The following CSMD3 variants were observed in gnomAD, a reference collection of about 807,000 sequenced individuals.
The protein encoded by CSMD3 is CUB and sushi domain-containing protein 3.
In CSMD3, 177 loss-of-function variants were observed where a neutral mutation model predicts 435.2. That is an observed-to-expected ratio of 0.41 (90% CI 0.36 to 0.46). The LOEUF (loss-of-function observed/expected upper bound fraction) is 0.46, where lower values mean the gene tolerates loss of function less well. Among genes scored for constraint, CSMD3 ranks in the 20% least tolerant of loss-of-function variants. The probability of loss-of-function intolerance (pLI) is 0.34; values close to 1 mark genes in which losing one functional copy is unlikely to be tolerated. For synonymous variants in CSMD3, 1,656 were observed against 1,520.5 expected (o/e 1.09, Z -2.07); for missense variants, 4,265 against 4,504.6 (o/e 0.95, Z 1.52).
intron 22 of CSMD3, among the ~76,000 whole-genome samples, chr8:112,636,520 T>C (rs1248429876): frequency 6.6e-6 from 1 of 151,322 alleles, no homozygotes; most frequent in Non-Finnish European, 1.5e-5. Context: ...TCTCCATATA[T>C]CTATGTGTCT....
chr8:112,645,054 A>T, intron 20 of CSMD3, 55 bp downstream of exon 20: 1 of 898,534 alleles, frequency 1.1e-6, no homozygotes, highest in Non-Finnish European at 1.9e-6. Context: ...AAATAAGAAT[A>T]GACTCAATGA....
chr8:113,346,850 G>C (rs990243779), intron 1 of CSMD3, among the ~76,000 whole-genome samples: 1 of 152,014 alleles, frequency 6.6e-6, no homozygotes, highest in African/African-American at 2.4e-5. Context: ...TTTCTTTATA[G>C]AGAATATACA....
intron 3 of CSMD3, among the ~76,000 whole-genome samples, chr8:113,244,095 T>C (rs2093250395): frequency 6.6e-6 from 1 of 152,176 alleles, no homozygotes; most frequent in South Asian, 2.1e-4. Context: ...ATTTTCTCCA[T>C]TTCTATGGAT....
At chr8:113,091,896 T>C (rs1018254614) in intron 5 of CSMD3, among the ~76,000 whole-genome samples, 1 of 152,014 alleles carries the variant, frequency 6.6e-6, no homozygotes, top group Non-Finnish European at 1.5e-5. Flanking sequence ...TTTTTCTTTT[T>C]TGATGTAGGC....
At chr8:112,790,200 G>A (rs912457454) in intron 13 of CSMD3, among the ~76,000 whole-genome samples, 1 of 151,890 alleles carries the variant, frequency 6.6e-6, no homozygotes, top group African/African-American at 2.4e-5. Context: ...ACTCTTGCCA[G>A]ATATCATTTC....
At chr8:112,594,256 T>C (rs1831467810) in intron 22 of CSMD3, among the ~76,000 whole-genome samples, 1 of 152,056 alleles carries the variant, frequency 6.6e-6, no homozygotes, top group Admixed American at 6.5e-5. Flanking sequence ...AAAGGGGCGA[T>C]GGACGCACCT....
intron 9 of CSMD3, among the ~76,000 whole-genome samples, chr8:112,923,627 G>A (rs1050082497): frequency 5.9e-5 from 9 of 152,078 alleles, no homozygotes; most frequent in South Asian, 2.1e-4. Context: ...AAACAGCTAC[G>A]CCTATTCCAT....
intron 3 of CSMD3, among the ~76,000 whole-genome samples, chr8:113,257,532 A>C (rs1422185319): frequency 6.6e-6 from 1 of 152,204 alleles, no homozygotes; most frequent in Non-Finnish European, 1.5e-5. Context: ...CCTTTCCCTC[A>C]TCCCTTGTCT....
intron 37 of CSMD3, among the ~76,000 whole-genome samples, chr8:112,381,519 G>A (rs867271467): frequency 6.6e-6 from 1 of 152,134 alleles, no homozygotes; most frequent in African/African-American, 2.4e-5. Flanking sequence ...TATGAGTTGA[G>A]GTCATTACAA....
intron 10 of CSMD3, among the ~76,000 whole-genome samples, chr8:112,886,443 T>C (rs1279270862): frequency 4.0e-5 from 6 of 151,618 alleles, no homozygotes; most frequent in African/African-American, 4.8e-5. Context: ...GTTCCTGTTA[T>C]CTTGTGTCGT....
At chr8:112,388,803 T>G (rs956821569) in intron 36 of CSMD3, among the ~76,000 whole-genome samples, 1 of 152,060 alleles carries the variant, frequency 6.6e-6, no homozygotes, top group African/African-American at 2.4e-5. Context: ...CTCTAACACA[T>G]AAAAGTAGCT....
intron 10 of CSMD3, among the ~76,000 whole-genome samples, chr8:112,869,821 A>T (rs1204922004): frequency 6.6e-6 from 1 of 152,282 alleles, no homozygotes; most frequent in South Asian, 2.1e-4. Context: ...TCATAAGTGG[A>T]AGTTGAACAA....
intron 28 of CSMD3, among the ~76,000 whole-genome samples, chr8:112,516,530 G>A (rs1019623382): frequency 1.3e-4 from 20 of 152,080 alleles, no homozygotes; most frequent in Non-Finnish European, 2.8e-4. Flanking sequence ...AAAGACAGCT[G>A]GAAGTATGAT....
chr8:112,406,307 A>C (rs1831852605), intron 35 of CSMD3, among the ~76,000 whole-genome samples: 2 of 152,162 alleles, frequency 1.3e-5, no homozygotes, highest in Admixed American at 1.3e-4. Context: ...TGAGGAAATT[A>C]TTTAGCTAAT....
chr8:112,976,149 C>A lies in CSMD3; in HGVS notation c.1031-1G>T. On this transcript the variant is annotated splice_acceptor_variant, in intron 6 of 70. Transcript: ENST00000297405. LOFTEE classifies it high-confidence loss of function. Reference sequence around the variant, plus strand: ...GTAGTGTGGGTCAATGTAGAAGAACCTGTGGGACACAGTAGCACTAGATGC... The same window carrying A: ...GTAGTGTGGGTCAATGTAGAAGAACATGTGGGACACAGTAGCACTAGATGC... 6.2e-7 allele frequency: 1 copy of A among 1,613,882 alleles called. No individual in the cohort carries two copies. Among genetic ancestry groups the A allele is most frequent in the Non-Finnish European group, 8.5e-7 (1 of 1,179,838 alleles).
At chr8:112,579,430 T>C (rs1187051727) in intron 23 of CSMD3, among the ~76,000 whole-genome samples, 1 of 152,014 alleles carries the variant, frequency 6.6e-6, no homozygotes, top group Non-Finnish European at 1.5e-5. Flanking sequence ...GAGACCACAG[T>C]GTGGCATGGT....
intron 6 of CSMD3, among the ~76,000 whole-genome samples, chr8:112,978,323 CAAAT>C (rs1420954842): frequency 2.0e-5 from 3 of 151,924 alleles, no homozygotes; most frequent in Non-Finnish European, 2.9e-5. Flanking sequence ...TGATCAATCT[CAAAT>C]AATCCCTCGA....
intron 1 of CSMD3, among the ~76,000 whole-genome samples, chr8:113,342,907 A>C (rs1416577303): frequency 6.6e-6 from 1 of 152,156 alleles, no homozygotes; most frequent in Non-Finnish European, 1.5e-5. Context: ...ATTTATGAGA[A>C]ATTCAACTAA....
intron 8 of CSMD3, 73 bp from the exon 9 acceptor site, chr8:112,947,950 A>G: frequency 1.4e-6 from 1 of 699,056 alleles, no homozygotes; most frequent in Non-Finnish European, 2.6e-6. Context: ...TTAATTTTAA[A>G]ATATACATAA....
Sources: gnomAD v4.1 joint callset for allele counts (sites outside exome capture counted in the v4.1 genomes callset) on GRCh38, gnomAD v4.1.1 for gene constraint, MANE v1.5 for transcripts, NCBI Gene and HGNC (gene_info 2026-07-23, HGNC 2026-07-21) for gene names.